GOSR2: variants seen among roughly 807,000 people sequenced by gnomAD.
The protein encoded by GOSR2 is golgi SNAP receptor complex member 2.
A neutral mutation model predicts 27.9 loss-of-function variants in GOSR2; 20 were observed. The ratio of observed to expected loss-of-function variants is 0.72; its 90% CI spans 0.50 to 1.04. The LOEUF (loss-of-function observed/expected upper bound fraction) is 1.04. Among genes scored for constraint, GOSR2 ranks in the 50% least tolerant of loss-of-function variants. The probability of loss-of-function intolerance (pLI) is 0.00; values close to 1 mark genes in which losing one functional copy is unlikely to be tolerated. For missense variants in GOSR2, 261 were observed against 270.5 expected (o/e 0.97, Z 0.25); for synonymous variants, 91 against 98.8 (o/e 0.92, Z 0.47).
Position 46,940,192 on chromosome 17 carries a change from T to C in GOSR2, c.*1432T>C. Reference sequence around the variant, plus strand: ...GCACCTCTGTGGCATAGCTCCCCTTTGGTAAGTTTTCTTAATTGTCATAGA... The same window carrying C: ...GCACCTCTGTGGCATAGCTCCCCTTCGGTAAGTTTTCTTAATTGTCATAGA... On this transcript the variant is annotated 3_prime_UTR_variant, in exon 6 of 6. Transcript: ENST00000640051. 1 of 1,382,942 alleles carries C rather than the reference T, an allele frequency of 7.2e-7. No individual in the cohort carries two copies. Among genetic ancestry groups the C allele is most frequent in the Non-Finnish European group, 9.4e-7 (1 of 1,068,834 alleles). The allele number at this position is 1,382,942 out of a possible 1,614,324, so 85.7% of individuals were successfully genotyped here. A position where few individuals can be genotyped will look rare whatever the true frequency, so the allele number is the denominator to read the frequency against.
chr17:46,948,422 A>G (rs959885881), intron 6 of GOSR2: 4 of 152,222 alleles, frequency 2.6e-5, no homozygotes, highest in African/African-American at 9.7e-5. Flanking sequence ...CAAAGAAAGG[A>G]CTGCAAGTAT....
Position 46,940,897 on chromosome 17 carries a change from C to A in GOSR2, c.*2137C>A. 1.5e-6 allele frequency: 2 copies of A among 1,379,072 alleles called. No homozygotes were observed. Among genetic ancestry groups the A allele is most frequent in the Non-Finnish European group, 1.9e-6 (2 of 1,064,188 alleles). 85.4% of individuals were successfully genotyped at this position (1,379,072 alleles called of 1,614,324 possible). On this transcript the variant is annotated 3_prime_UTR_variant, in exon 6 of 6. Transcript: ENST00000640051. ...GTTGTCACATGACCACTTCTCTTCACACATCTGCTTTCAGTGCCTGGTGAA... is the reference window on the plus strand; with the variant it reads ...GTTGTCACATGACCACTTCTCTTCAAACATCTGCTTTCAGTGCCTGGTGAA...
intron 1 of GOSR2, among the ~76,000 whole-genome samples, chr17:46,926,433 C>G (rs2086509852): frequency 6.6e-6 from 1 of 152,110 alleles, no homozygotes; most frequent in African/African-American, 2.4e-5. Context: ...AAAATTCTTC[C>G]TAGATCTTCT....
At chr17:46,944,915 C>A (rs1267615816), downstream of GOSR2, among the ~76,000 whole-genome samples, 1 of 152,124 alleles carries the variant, frequency 6.6e-6, no homozygotes, top group Non-Finnish European at 1.5e-5. Context: ...TTTTAACTTT[C>A]TAAGGAGTCT....
In GOSR2 at chr17:46,938,616, C is replaced by A; in HGVS notation, c.495C>A (p.Ile165=). The A allele has an allele frequency of 6.2e-7, 1 of 1,613,916 alleles. No individual in the cohort carries two copies. The change falls in exon 6 of 6, where the codon ATC becomes ATA. Residue 165 remains isoleucine, a synonymous_variant. Transcript: ENST00000640051. ...RLTLKGTQKK[I]LDIANMLGLS... ...TGCCCCAGGGGACTCAGAAGAAGAT[C>A]CTTGACATTGCCAACATGCTGGGCT...
At chr17:46,923,573 C>G in intron 1 of GOSR2, 1 of 1,306,686 alleles carries the variant, frequency 7.7e-7, no homozygotes. Flanking sequence ...CGAGAGGAGA[C>G]ACGGAGTAGG....
At chr17:46,924,664 A>T (rs993758335) in intron 1 of GOSR2, among the ~76,000 whole-genome samples, 1 of 152,172 alleles carries the variant, frequency 6.6e-6, no homozygotes, top group Non-Finnish European at 1.5e-5. Flanking sequence ...TTTCATTTGG[A>T]CAGGCGAAAA....
At chr17:46,975,507 G>A (rs1708643749) in exon 7 of GOSR2, 1 of 152,658 alleles carries the variant, frequency 6.6e-6, no homozygotes, top group Non-Finnish European at 1.5e-5. Context: ...CCTGCCCCAA[G>A]GATTATATAA....
At chr17:46,953,831 T>C (rs1291616042) in intron 6 of GOSR2, among the ~76,000 whole-genome samples, 2 of 152,268 alleles carry the variant, frequency 1.3e-5, no homozygotes, top group Non-Finnish European at 2.9e-5. Context: ...GCTGCATAAA[T>C]GTCTTCTTTT....
At chr17:46,974,733 CAAA>C (rs373010361) in intron 6 of GOSR2, among the ~76,000 whole-genome samples, 5 of 64,394 alleles carry the variant, frequency 7.8e-5, no homozygotes, top group Admixed American at 1.5e-4. Flanking sequence ...GACTCTCTCT[CAAA>C]AAAAAAAAAA....
At chr17:46,935,408 T>G in intron 5 of GOSR2, 1 of 1,429,926 alleles carries the variant, frequency 7.0e-7, no homozygotes, top group Non-Finnish European at 9.1e-7. Context: ...AGGATCCAGG[T>G]CTTTTCCCAT....
rs915301236 is a variant in GOSR2, at chr17:46,924,549, G to A, written c.29+1328G>A. ...AAACACTTAAAATCACACTCCCAAG[G>A]CCTGGAAATGAAATGCCCTGAAGCA... On this transcript the variant is annotated intron_variant, in intron 1 of 5. Transcript: ENST00000640051. 12 of 152,254 alleles carry A rather than the reference G, an allele frequency of 7.9e-5. No individual in the cohort carries two copies. The South Asian group carries it at 2.1e-3, about 26-fold the overall frequency. 9.4% of individuals were successfully genotyped at this position (152,254 alleles called of 1,614,324 possible).
chr17:46,923,566 G>GAGGAGACACGGAGT (rs1319585779), intron 1 of GOSR2: 5 of 1,315,530 alleles, frequency 3.8e-6, no homozygotes, highest in Non-Finnish European at 4.8e-6. Flanking sequence ...TAGACCTCGA[G>GAGGAGACACGGAGT]AGGAGACACG....
At chr17:46,966,593 C>T (rs1337204744) in exon 7 of GOSR2, 3 of 689,872 alleles carry the variant, frequency 4.3e-6, no homozygotes, top group Non-Finnish European at 7.9e-6. Flanking sequence ...AAGAGATCCT[C>T]CTGCATCAGC....
At chr17:46,952,917 C>T (rs1375308005) in intron 6 of GOSR2, 4 of 152,172 alleles carry the variant, frequency 2.6e-5, no homozygotes, top group Admixed American at 6.5e-5. Context: ...CTTTCCCTGC[C>T]TCTGTTCTCT....
At chr17:46,973,672 T>C (rs1049517664) in intron 6 of GOSR2, among the ~76,000 whole-genome samples, 5 of 152,252 alleles carry the variant, frequency 3.3e-5, no homozygotes, top group African/African-American at 1.2e-4. Flanking sequence ...CGAGCTGGGG[T>C]TTGCTGTCCT....
Position 46,923,508 on chromosome 17 carries a change from G to A in GOSR2, c.29+287G>A. The A allele has an allele frequency of 3.6e-6, 5 of 1,383,370 alleles. No homozygotes were observed. The South Asian group carries it at 5.4e-5, about 15-fold the overall frequency. 85.7% of individuals were successfully genotyped at this position (1,383,370 alleles called of 1,614,324 possible). On this transcript the variant is annotated intron_variant, in intron 1 of 5. Coordinates refer to ENST00000640051, the MANE Select transcript of GOSR2 (RefSeq NM_004287.5). The stretch of plus-strand genomic sequence containing the variant: ...GGGTGACGGGAAACTGGCACCTGCA[G>A]GTTATAAAACTTTGTCCAGCACTTG...
At chr17:46,969,210 A>G (rs567313652), downstream of GOSR2, among the ~76,000 whole-genome samples, 10 of 152,246 alleles carry the variant, frequency 6.6e-5, no homozygotes, top group African/African-American at 2.2e-4. Context: ...GAGCCTTCTT[A>G]TGGTCCAAAG....
At chr17:46,947,583 T>G (rs1292605952) in intron 6 of GOSR2, among the ~76,000 whole-genome samples, 2 of 152,032 alleles carry the variant, frequency 1.3e-5, no homozygotes, top group African/African-American at 4.8e-5. Context: ...ATGGGGGTGG[T>G]GGGATGATGT....
Sources: gnomAD v4.1 joint callset for allele counts (sites outside exome capture counted in the v4.1 genomes callset) on GRCh38, gnomAD v4.1.1 for gene constraint, MANE v1.5 for transcripts, NCBI Gene and HGNC (gene_info 2026-07-23, HGNC 2026-07-21) for gene names.